DENND4A: variants seen among roughly 807,000 people sequenced by gnomAD.
DENND4A encodes the protein DENN domain containing 4A, also known as C-myc promoter-binding protein.
A neutral mutation model predicts 199.3 loss-of-function variants in DENND4A; 70 were observed. The ratio of observed to expected loss-of-function variants is 0.35; its 90% CI spans 0.29 to 0.43. The LOEUF (loss-of-function observed/expected upper bound fraction) is 0.43, where lower values mean the gene tolerates loss of function less well. Among genes scored for constraint, DENND4A ranks in the 20% least tolerant of loss-of-function variants. The pLI is 1.00. For missense variants in DENND4A, 1,723 were observed against 2,255.8 expected, an observed-to-expected ratio of 0.76 and a Z score of 4.78; for synonymous variants, 686 against 766.9, an observed-to-expected ratio of 0.89 and a Z score of 1.74.
chr15:65,706,342 A>G, intron 14 of DENND4A, 118 bp from the exon 15 acceptor site: 1 of 1,050,878 alleles, frequency 9.5e-7, no homozygotes, highest in Non-Finnish European at 1.3e-6. Flanking sequence ...CTATTAAAAA[A>G]GAAGAGTGAG....
In DENND4A at chr15:65,729,518, A is replaced by C; in HGVS notation, c.1311+16T>G. 6.3e-7 allele frequency: 1 copy of C among 1,596,102 alleles called. No individual in the cohort carries two copies. The highest frequency in any genetic ancestry group is 1.2e-5 in the South Asian group (1 of 86,294). ...TTAAACTAAATTGACTGCCAATAAG[A>C]AACTGTGATACTCACAGACACTAAT... On this transcript the variant is annotated intron_variant, in intron 10 of 32. Transcript: ENST00000443035.
At position 65,667,540 on chromosome 15, in the gene DENND4A, C is replaced by CA; in HGVS notation, c.5149dup (p.Trp1717LeufsTer11). 6.2e-7 allele frequency: 1 copy of CA among 1,613,808 alleles called. No individual in the cohort carries two copies. Among genetic ancestry groups the CA allele is most frequent in the Non-Finnish European group, 8.5e-7 (1 of 1,179,830 alleles). ...ACGTCTGAAATACCATACCAGGTTCCAAAAAACAATTGGATGATGGTCCAC... is the reference window on the plus strand; with the variant it reads ...ACGTCTGAAATACCATACCAGGTTCCAAAAAAACAATTGGATGATGGTCCAC... On this transcript the variant is annotated frameshift_variant, in exon 29 of 33. Coordinates refer to ENST00000443035, the MANE Select transcript of DENND4A (RefSeq NM_001320835.1). LOFTEE classifies it high-confidence loss of function.
chr15:65,792,082 C>G lies in DENND4A; in HGVS notation c.-174G>C, dbSNP rs1177353407. The G allele has an allele frequency of 3.3e-5, 5 of 152,462 alleles. No homozygotes were observed. The allele number at this position is 152,462 out of a possible 1,614,324, so 9.4% of individuals were successfully genotyped here. A position where few individuals can be genotyped will look rare whatever the true frequency, so the allele number is the denominator to read the frequency against. Reference sequence around the variant, plus strand: ...CGCCGGAATCCCGCACGCGCGGTAGCGGAACACGAGGGGCTGAATGCCGCG... The same window carrying G: ...CGCCGGAATCCCGCACGCGCGGTAGGGGAACACGAGGGGCTGAATGCCGCG... On this transcript the variant is annotated 5_prime_UTR_variant, in exon 1 of 33. Transcript: ENST00000443035.
intron 18 of DENND4A, 126 bp from the exon 19 acceptor site, chr15:65,701,318 G>T: frequency 1.3e-6 from 1 of 787,556 alleles, no homozygotes; most frequent in Non-Finnish European, 1.8e-6. Context: ...TGTAATCCCA[G>T]CAATTTGGGA....
chr15:65,709,784 A>G (rs965863409), intron 14 of DENND4A, among the ~76,000 whole-genome samples: 2 of 147,518 alleles, frequency 1.4e-5, no homozygotes, highest in African/African-American at 5.0e-5. Flanking sequence ...CTCTTGAATT[A>G]TAACAAAGCA....
At chr15:65,715,749 G>C (rs28700140) in intron 13 of DENND4A, 126 bp from the exon 14 acceptor site, 23 of 812,576 alleles carry the variant, frequency 2.8e-5, no homozygotes, top group Non-Finnish European at 3.8e-5. Context: ...CATTTCGCAA[G>C]TGCTGAGAGG....
At chr15:65,714,924 C>T (rs1308789384) in intron 14 of DENND4A, among the ~76,000 whole-genome samples, 4 of 152,170 alleles carry the variant, frequency 2.6e-5, no homozygotes, top group African/African-American at 9.7e-5. Flanking sequence ...CCTCTCTGGA[C>T]TACCATCCTA....
At position 65,756,477 on chromosome 15, in the gene DENND4A, A is replaced by G; in HGVS notation, c.-22-5T>C. ...TTCCATTACAGAAGGTTACATCTAA[A>G]AGGAAAGTAAAAGACTAGTACTCCC... On this transcript the variant is annotated splice_region_variant and splice_polypyrimidine_tract_variant and intron_variant, in intron 2 of 32. Coordinates refer to ENST00000443035, the MANE Select transcript of DENND4A (RefSeq NM_001320835.1). 1 of 1,563,564 alleles carries G rather than the reference A, an allele frequency of 6.4e-7. No homozygotes were observed. Among genetic ancestry groups the G allele is most frequent in the Non-Finnish European group, 8.6e-7 (1 of 1,159,480 alleles).
intron 2 of DENND4A, among the ~76,000 whole-genome samples, chr15:65,756,740 T>C (rs1019777730): frequency 2.0e-5 from 3 of 152,200 alleles, no homozygotes; most frequent in African/African-American, 7.2e-5. Context: ...GAGATCTTTT[T>C]AAATGCACAG....
chr15:65,665,382 A>T lies in DENND4A; in HGVS notation c.5322T>A (p.Asp1774Glu). The change falls in exon 30 of 33, where the codon GAT becomes GAA. Residue 1774 changes from aspartate to glutamate, a missense_variant. By Grantham distance (45) the Asp-to-Glu change is conservative (BLOSUM62 2). Around this residue, in one of 6 missense-constraint regions of DENND4A, gnomAD observed 164 missense variants for 280.1 expected, o/e 0.59. Transcript: ENST00000443035. ...AGAGAATGTACAAGGGCTGTCCCGG[A>T]TCCTGATGTAACTTCATATTGTCCC... is the stretch of plus-strand genomic sequence containing the variant. ...MLWDNMKLHQ[D>E]PGQPLYILWN... 1 of 1,613,818 alleles carries T rather than the reference A, an allele frequency of 6.2e-7. No homozygotes were observed. The highest frequency in any genetic ancestry group is 8.5e-7 in the Non-Finnish European group (1 of 1,179,756).
chr15:65,782,058 G>A (rs1423328203), intron 1 of DENND4A, among the ~76,000 whole-genome samples: 1 of 152,166 alleles, frequency 6.6e-6, no homozygotes, highest in Non-Finnish European at 1.5e-5. Context: ...GGCCCCACAA[G>A]GGCCCTTGTC....
chr15:65,700,800 A>T, intron 19 of DENND4A, 125 bp from the exon 20 acceptor site: 3 of 1,050,096 alleles, frequency 2.9e-6, no homozygotes, highest in Non-Finnish European at 3.9e-6. Context: ...TTAGCAAAAT[A>T]CAACTATAAC....
At position 65,706,191 on chromosome 15, in the gene DENND4A, T is replaced by A; in HGVS notation, c.1987A>T (p.Ile663Leu). The change falls in exon 15 of 33, where the codon ATA becomes TTA. Residue 663 changes from isoleucine to leucine, a missense_variant. By Grantham distance (5) the Ile-to-Leu change is conservative. Around this residue, in one of 6 missense-constraint regions of DENND4A, gnomAD observed 725 missense variants for 952.9 expected, o/e 0.76. Transcript: ENST00000443035. ...CTTTTGAAAGATTCATCCAGTTCTA[T>A]AAGTCGTACTTCACCGCTCTTGTCC... ...DMDKSGEVRL[I>L]ELDESFKSEH... The A allele has an allele frequency of 6.3e-7, 1 of 1,596,176 alleles. No individual in the cohort carries two copies. Among genetic ancestry groups the A allele is most frequent in the Non-Finnish European group, 8.5e-7 (1 of 1,170,826 alleles).
At chr15:65,716,450 G>A (rs1234743040) in intron 13 of DENND4A, among the ~76,000 whole-genome samples, 1 of 131,604 alleles carries the variant, frequency 7.6e-6, no homozygotes, top group African/African-American at 3.0e-5. Context: ...CTGTGTCCAT[G>A]TGTTCTCATT....
chr15:65,705,889 G>C (rs1193959128), intron 15 of DENND4A: 10 of 588,890 alleles, frequency 1.7e-5, no homozygotes, highest in Admixed American at 6.3e-5. Context: ...AGCTTCCCAA[G>C]TCTATATTAT....
chr15:65,696,214 G>T, intron 22 of DENND4A, 152 bp downstream of exon 22: 1 of 880,422 alleles, frequency 1.1e-6, no homozygotes, highest in Non-Finnish European at 1.6e-6. Flanking sequence ...ATAAAATATA[G>T]AACTCAAGTT....
chr15:65,714,444 TTTA>T (rs2075338478), intron 14 of DENND4A, among the ~76,000 whole-genome samples: 1 of 151,326 alleles, frequency 6.6e-6, no homozygotes, highest in Non-Finnish European at 1.5e-5. Context: ...ACCCAAAAAC[TTTA>T]TTATCTTTAA....
intron 5 of DENND4A, among the ~76,000 whole-genome samples, chr15:65,739,398 C>A (rs935676903): frequency 3.9e-5 from 6 of 152,188 alleles, no homozygotes; most frequent in Admixed American, 3.3e-4. Flanking sequence ...AGCTCAGCTT[C>A]TAAATAACAC....
At chr15:65,700,945 A>G in intron 19 of DENND4A, 106 bp downstream of exon 19, 1 of 1,317,190 alleles carries the variant, frequency 7.6e-7, no homozygotes, top group Non-Finnish European at 1.0e-6. Context: ...AATAAAACTA[A>G]AAACTAAAAC....
Sources: gnomAD v4.1 joint callset for allele counts (sites outside exome capture counted in the v4.1 genomes callset) on GRCh38, gnomAD v4.1.1 for gene constraint, gnomAD v4.1.1 regional missense constraint, MANE v1.5 for transcripts, NCBI Gene and HGNC (gene_info 2026-07-23, HGNC 2026-07-21) for gene names.